AGBL4: variants seen among roughly 807,000 people sequenced by gnomAD.
AGBL4 encodes cytosolic carboxypeptidase 6.
In AGBL4, 58 loss-of-function variants were observed where a neutral mutation model predicts 66.4. The ratio of observed to expected loss-of-function variants is 0.87; its 90% CI spans 0.71 to 1.09. The LOEUF (loss-of-function observed/expected upper bound fraction) is 1.09. AGBL4 is among the 50% of genes least tolerant of loss of function. The pLI is 0.00. For synonymous variants in AGBL4, 234 were observed against 222.9 expected (o/e 1.05, Z -0.44); for missense variants, 579 against 631.0 (o/e 0.92, Z 0.88).
chr1:48,621,946 G>C lies in AGBL4; in HGVS notation c.951+12547C>G, dbSNP rs555239332. Among the ~76,000 whole-genome samples the C allele has an allele frequency of 4.6e-5, 7 of 152,066 alleles. No individual in the cohort carries two copies. In the East Asian group the frequency reaches 9.7e-4, roughly 21 times the overall value. On this transcript the variant is annotated intron_variant, in intron 9 of 13. Transcript: ENST00000371839. ...ATATTTTACAACCCAGAAACTCATA[G>C]TAAGATTTTTTTTTCTCTCTCTCTT...
chr1:49,616,808 T>G (rs1469017467), intron 3 of AGBL4, among the ~76,000 whole-genome samples: 1 of 152,150 alleles, frequency 6.6e-6, no homozygotes. Flanking sequence ...CTTGACTCAT[T>G]TCATTATCTC....
intron 1 of AGBL4, among the ~76,000 whole-genome samples, chr1:49,983,655 A>T (rs1659264603): frequency 6.6e-6 from 1 of 152,288 alleles, no homozygotes; most frequent in Non-Finnish European, 1.5e-5. Flanking sequence ...CCGTAACATT[A>T]GTAAGATTAG....
rs141768086 is a variant in AGBL4 at position 49,752,381 on chromosome 1, G to A, written c.158-54944C>T. Among the ~76,000 whole-genome samples the A allele has an allele frequency of 1.6e-3, 244 of 152,240 alleles. 4 individuals carry two copies. The highest frequency in any genetic ancestry group is 5.5e-3 in the African/African-American group (227 of 41,548). ...TTGTTCAGTTTCCATGTAGTTGTGC[G>A]GTTTTGAGTGAGTTTCTTAATCCTG... On this transcript the variant is annotated intron_variant, in intron 2 of 13. Transcript: ENST00000371839.
At chr1:49,493,254 C>T (rs917037307) in intron 3 of AGBL4, among the ~76,000 whole-genome samples, 12 of 151,970 alleles carry the variant, frequency 7.9e-5, no homozygotes, top group Non-Finnish European at 2.9e-5. Context: ...ATGCTTACTA[C>T]AATTCCTTGA....
intron 4 of AGBL4, among the ~76,000 whole-genome samples, chr1:49,130,474 T>C (rs1645867341): frequency 6.6e-6 from 1 of 152,226 alleles, no homozygotes; most frequent in Non-Finnish European, 1.5e-5. Flanking sequence ...TTAATCCATC[T>C]TGAATTAATT....
chr1:48,532,260 C>T (rs552714542), downstream of AGBL4, among the ~76,000 whole-genome samples: 1 of 152,146 alleles, frequency 6.6e-6, no homozygotes, highest in Non-Finnish European at 1.5e-5. Flanking sequence ...ACTTTCATAA[C>T]TATTATAACA....
chr1:49,698,286 A>G (rs1477963609), intron 2 of AGBL4, among the ~76,000 whole-genome samples: 1 of 152,174 alleles, frequency 6.6e-6, no homozygotes, highest in Non-Finnish European at 1.5e-5. Flanking sequence ...TCATATTAAT[A>G]GAAACATGAA....
At position 49,557,409 on chromosome 1, in the gene AGBL4, G is replaced by GACACCACC. The variant is rs1643930104; in HGVS notation, c.282+139896_282+139903dup. 2.0e-5 allele frequency among the ~76,000 whole-genome samples: 3 copies of GACACCACC among 152,134 alleles called. No individual in the cohort carries two copies. In the South Asian group the frequency reaches 6.2e-4, roughly 32 times the overall value. ...ATAGAAAAAATAGTCTTGACTCACT[G>GACACCACC]ACACCACCACACCCCCACAACCTGG... On this transcript the variant is annotated intron_variant, in intron 3 of 13. Coordinates refer to ENST00000371839, the MANE Select transcript of AGBL4 (RefSeq NM_032785.4).
intron 3 of AGBL4, among the ~76,000 whole-genome samples, chr1:49,325,127 A>G (rs1263267490): frequency 6.6e-6 from 1 of 152,050 alleles, no homozygotes; most frequent in Non-Finnish European, 1.5e-5. Flanking sequence ...GGTTCACACC[A>G]TTCTCCTGCC....
chr1:48,961,784 C>A (rs143238332), intron 5 of AGBL4, among the ~76,000 whole-genome samples: 1 of 152,320 alleles, frequency 6.6e-6, no homozygotes, highest in African/African-American at 2.4e-5. Context: ...ACAATATGAA[C>A]CTTTTCCAGA....
chr1:48,924,166 G>T (rs1654328384), intron 5 of AGBL4, among the ~76,000 whole-genome samples: 1 of 151,968 alleles, frequency 6.6e-6, no homozygotes, highest in South Asian at 2.1e-4. Flanking sequence ...AAATTAGGAA[G>T]ATAGATATAT....
chr1:49,882,041 A>G (rs1332291995), intron 1 of AGBL4, among the ~76,000 whole-genome samples: 1 of 152,090 alleles, frequency 6.6e-6, no homozygotes, highest in Non-Finnish European at 1.5e-5. Flanking sequence ...TAAGTCTTTA[A>G]TCCATCTTGA....
intron 5 of AGBL4, among the ~76,000 whole-genome samples, chr1:49,013,327 G>T (rs539375624): frequency 1.3e-5 from 2 of 152,212 alleles, no homozygotes; most frequent in East Asian, 3.9e-4. Flanking sequence ...ACACATCATG[G>T]GTTCAATATA....
In AGBL4 at chr1:48,920,422, C is replaced by T. The variant is rs531798788; in HGVS notation, c.595-53192G>A. Among the ~76,000 whole-genome samples the T allele has an allele frequency of 4.6e-5, 7 of 152,258 alleles. No individual in the cohort carries two copies. The South Asian group carries it at 1.2e-3, about 27-fold the overall frequency. On this transcript the variant is annotated intron_variant, in intron 5 of 13. Coordinates refer to ENST00000371839, the MANE Select transcript of AGBL4 (RefSeq NM_032785.4). ...TCTGCTACATCTGAAAGCCTACTTC[C>T]TCAGGCAGATTCTAGAGATAAATAT...
chr1:49,369,252 T>C (rs1471914903), intron 3 of AGBL4, among the ~76,000 whole-genome samples: 1 of 152,196 alleles, frequency 6.6e-6, no homozygotes, highest in Non-Finnish European at 1.5e-5. Flanking sequence ...AGCATAACCT[T>C]TAGATATCTT....
At chr1:49,596,058 G>A (rs1393309828) in intron 3 of AGBL4, among the ~76,000 whole-genome samples, 1 of 152,110 alleles carries the variant, frequency 6.6e-6, no homozygotes, top group Non-Finnish European at 1.5e-5. Flanking sequence ...CAGAAAGAAT[G>A]AGAATTTTGA....
At chr1:48,939,630 G>T (rs1022819023) in intron 5 of AGBL4, among the ~76,000 whole-genome samples, 1 of 152,098 alleles carries the variant, frequency 6.6e-6, no homozygotes, top group Non-Finnish European at 1.5e-5. Context: ...TATCCCTGAC[G>T]CAACTGAATG....
At chr1:49,948,011 TA>T (rs1557607714) in intron 1 of AGBL4, among the ~76,000 whole-genome samples, 93 of 77,632 alleles carry the variant, frequency 1.2e-3, no homozygotes, top group African/African-American at 2.6e-3. Context: ...TATATATAAA[TA>T]TATAAATATA....
At position 49,151,010 on chromosome 1, in the gene AGBL4, T is replaced by C. The variant is rs1228633009; in HGVS notation, c.377+94760A>G. ...TAGGCCAGGCGCGGTGGCTCACGTCTGTAATCCCAGCACTTTGGGAGGCCG... is the reference window on the plus strand; with the variant it reads ...TAGGCCAGGCGCGGTGGCTCACGTCCGTAATCCCAGCACTTTGGGAGGCCG... On this transcript the variant is annotated intron_variant, in intron 4 of 13. Transcript: ENST00000371839. 3.3e-5 allele frequency among the ~76,000 whole-genome samples: 5 copies of C among 152,244 alleles called. No homozygotes were observed. The East Asian group carries it at 7.7e-4, about 24-fold the overall frequency.
Sources: gnomAD v4.1 joint callset for allele counts (sites outside exome capture counted in the v4.1 genomes callset) on GRCh38, gnomAD v4.1.1 for gene constraint, MANE v1.5 for transcripts, NCBI Gene and HGNC (gene_info 2026-07-23, HGNC 2026-07-21) for gene names.